The following PKP2 variants were observed in gnomAD, a reference collection of about 807,000 sequenced individuals.
The protein encoded by PKP2 is plakophilin 2, also known as plakophilin-2.
A neutral mutation model predicts 83.4 loss-of-function variants in PKP2; 73 were observed. That is an observed-to-expected ratio of 0.88 (90% CI 0.72 to 1.06). PKP2 has a LOEUF of 1.06. PKP2 is among the 50% of genes least tolerant of loss of function. The pLI, the probability that PKP2 is intolerant of heterozygous loss-of-function variation, is 0.00. For synonymous variants in PKP2, 409 were observed against 430.4 expected, an observed-to-expected ratio of 0.95 and a Z score of 0.62; for missense variants, 966 against 1,065.4, an observed-to-expected ratio of 0.91 and a Z score of 1.30.
intron 5 of PKP2, among the ~76,000 whole-genome samples, chr12:32,846,955 G>C (rs1481697473): frequency 6.6e-6 from 1 of 151,970 alleles, no homozygotes; most frequent in Non-Finnish European, 1.5e-5. Context: ...AGGCAACCTT[G>C]GGCAATTTAC....
intron 6 of PKP2, among the ~76,000 whole-genome samples, chr12:32,826,305 CAAAAAA>C (rs71068338): frequency 1.2e-5 from 1 of 84,676 alleles, no homozygotes. Flanking sequence ...GACACCGTCT[CAAAAAA>C]AAAAAAAAAA....
At chr12:32,827,605 G>T (rs1432568716) in intron 6 of PKP2, among the ~76,000 whole-genome samples, 2 of 151,980 alleles carry the variant, frequency 1.3e-5, no homozygotes, top group African/African-American at 4.8e-5. Context: ...TTTTTACAAC[G>T]TATCTCTTGA....
At chr12:32,796,484 G>A (rs750518402) in intron 10 of PKP2, among the ~76,000 whole-genome samples, 186 bp from the exon 11 acceptor site, 28 of 152,136 alleles carry the variant, frequency 1.8e-4, no homozygotes, top group Non-Finnish European at 2.9e-4. Flanking sequence ...CCGGGTTCAC[G>A]CCATTCTCTT....
intron 9 of PKP2, among the ~76,000 whole-genome samples, chr12:32,819,114 C>T (rs908796180): frequency 6.6e-6 from 1 of 151,716 alleles, no homozygotes; most frequent in African/African-American, 2.4e-5. Context: ...CTCATCTCTA[C>T]TAAAAATACA....
intron 5 of PKP2, chr12:32,843,399 T>C: frequency 1.0e-6 from 1 of 987,038 alleles, no homozygotes; most frequent in Non-Finnish European, 1.5e-6. Context: ...CTGAACTATG[T>C]GGCAAACATC....
At chr12:32,859,676 G>C (rs777496519) in intron 4 of PKP2, among the ~76,000 whole-genome samples, 3 of 152,124 alleles carry the variant, frequency 2.0e-5, no homozygotes, top group Non-Finnish European at 4.4e-5. Flanking sequence ...GGCTGGTCTT[G>C]AACTCTTGAC....
intron 6 of PKP2, among the ~76,000 whole-genome samples, chr12:32,831,723 A>G (rs749304306): frequency 1.3e-5 from 2 of 152,208 alleles, no homozygotes; most frequent in African/African-American, 2.4e-5. Flanking sequence ...GTGTTACATA[A>G]TTTCTGTAAA....
chr12:32,840,804 T>C (rs1439362844), intron 6 of PKP2, among the ~76,000 whole-genome samples: 1 of 151,932 alleles, frequency 6.6e-6, no homozygotes, highest in African/African-American at 2.4e-5. Flanking sequence ...ACGCCTATAA[T>C]CCCAGCACTT....
chr12:32,820,975 C>T, intron 9 of PKP2: 1 of 280,720 alleles, frequency 3.6e-6, no homozygotes. Context: ...TGAGAACAAA[C>T]CCAGCAGAGG....
chr12:32,883,260 A>G (rs926350775), intron 1 of PKP2, among the ~76,000 whole-genome samples: 2 of 152,228 alleles, frequency 1.3e-5, no homozygotes, highest in African/African-American at 4.8e-5. Flanking sequence ...TTTCTGGATA[A>G]ATAGCCAATC....
rs1162032723 is a variant in PKP2 at position 32,877,961 on chromosome 12, TGG to T, written c.917_918del (p.Pro306GlnfsTer29). ...HSTRTLREAGPSVAVDSSGRR... is the reference protein window; with the variant it reads ...HSTRTLREAGXSVAVDSSGRR... ...CTCCCGCTGGAATCCACGGCGACAC[TGG>T]GCCCAGCTTCCCTCAGCGTGCGGGT... On this transcript the variant is annotated frameshift_variant, in exon 3 of 13. Transcript: ENST00000340811. LOFTEE classifies it high-confidence loss of function. 6.2e-7 allele frequency: 1 copy of T among 1,614,044 alleles called. No individual in the cohort carries two copies. The highest frequency in any genetic ancestry group is 8.5e-7 in the Non-Finnish European group (1 of 1,180,032).
At chr12:32,818,234 G>T (rs1956338338) in intron 9 of PKP2, among the ~76,000 whole-genome samples, 1 of 152,204 alleles carries the variant, frequency 6.6e-6, no homozygotes, top group South Asian at 2.1e-4. Context: ...GACTGAAGTG[G>T]GCAGATCACT....
At chr12:32,840,066 G>A (rs532093559) in intron 6 of PKP2, among the ~76,000 whole-genome samples, 1 of 152,314 alleles carries the variant, frequency 6.6e-6, no homozygotes, top group South Asian at 2.1e-4. Flanking sequence ...GCAAACTTCA[G>A]TGACTGTCAG....
At chr12:32,794,176 A>G (rs182191511) in intron 11 of PKP2, among the ~76,000 whole-genome samples, 10 of 152,356 alleles carry the variant, frequency 6.6e-5, no homozygotes, top group African/African-American at 1.7e-4. Context: ...AGCACTTATT[A>G]GTAACCCCTG....
intron 4 of PKP2, among the ~76,000 whole-genome samples, chr12:32,852,432 G>A (rs139745322): frequency 2.2e-4 from 34 of 152,236 alleles, no homozygotes; most frequent in Admixed American, 4.6e-4. Flanking sequence ...GAAAAGACTA[G>A]AAAGGCGGAA....
intron 5 of PKP2, among the ~76,000 whole-genome samples, chr12:32,849,943 T>C (rs145249437): frequency 1.2e-3 from 182 of 152,360 alleles, no homozygotes; most frequent in African/African-American, 4.2e-3. Context: ...ACTGGAAAAC[T>C]ATGTGACACT....
At chr12:32,865,129 C>T (rs1956835158) in intron 4 of PKP2, among the ~76,000 whole-genome samples, 3 of 152,148 alleles carry the variant, frequency 2.0e-5, no homozygotes, top group Admixed American at 1.3e-4. Context: ...AATCCCAGCA[C>T]TTTGGGAGGC....
At chr12:32,888,470 C>T (rs1346934708) in intron 1 of PKP2, among the ~76,000 whole-genome samples, 8 of 152,002 alleles carry the variant, frequency 5.3e-5, no homozygotes, top group African/African-American at 1.9e-4. Context: ...TGATTCATAA[C>T]TGCTAACCCA....
intron 9 of PKP2, among the ~76,000 whole-genome samples, chr12:32,810,934 GC>G (rs1416077440): frequency 6.1e-4 from 4 of 6,514 alleles, no homozygotes; most frequent in East Asian, 0.015. Context: ...GCCCGCCTCG[GC>G]CTCCCAAAGT....
Sources: gnomAD v4.1 joint callset for allele counts (sites outside exome capture counted in the v4.1 genomes callset) on GRCh38, gnomAD v4.1.1 for gene constraint, MANE v1.5 for transcripts, NCBI Gene and HGNC (gene_info 2026-07-23, HGNC 2026-07-21) for gene names.